The following DLGAP2 variants were observed in gnomAD, a reference collection of about 807,000 sequenced individuals.
The protein encoded by DLGAP2 is disks large-associated protein 2.
A neutral mutation model predicts 100.3 loss-of-function variants in DLGAP2; 26 were observed. That is an observed-to-expected ratio of 0.26 (90% confidence interval 0.19 to 0.36). The LOEUF is 0.36. DLGAP2 is among the 10% of genes least tolerant of loss of function. The pLI, the probability that DLGAP2 is intolerant of heterozygous loss-of-function variation, is 1.00. For missense variants in DLGAP2, 1,858 were observed against 1,453.2 expected (o/e 1.28, Z -4.53); for synonymous variants, 886 against 630.1 (o/e 1.41, Z -6.08).
rs1476963982 is a variant in DLGAP2 at position 1,218,488 on chromosome 8, TGTTTA to T, written c.74-40358_74-40354del. On this transcript the variant is annotated intron_variant, in intron 2 of 14. Coordinates refer to ENST00000637795, the MANE Select transcript of DLGAP2 (RefSeq NM_001346810.2). ...TGTTGTTGTTGTTGTTGTTTTATTC[TGTTTA>T]GTTTTGTTTTTTTACCAGTACCATG... Among the ~76,000 whole-genome samples, 15 of 135,996 alleles carry T rather than the reference TGTTTA, an allele frequency of 1.1e-4. 1 individual carries two copies. Among genetic ancestry groups the T allele is most frequent in the African/African-American group, 4.8e-4 (14 of 29,012 alleles). The allele number at this position is 135,996 out of a possible 152,430, so 89.2% of individuals were successfully genotyped here. A position where few individuals can be genotyped will look rare whatever the true frequency, so the allele number is the denominator to read the frequency against.
chr8:1,032,154 C>T (rs542250588), intron 2 of DLGAP2, among the ~76,000 whole-genome samples: 14 of 152,360 alleles, frequency 9.2e-5, no homozygotes, highest in Admixed American at 2.6e-4. Flanking sequence ...TCAGCCAGGA[C>T]GGCGCAAGTT....
At chr8:1,008,679 C>A (rs1801190464) in intron 2 of DLGAP2, among the ~76,000 whole-genome samples, 1 of 152,210 alleles carries the variant, frequency 6.6e-6, no homozygotes, top group Non-Finnish European at 1.5e-5. Context: ...CAGCTGTCCG[C>A]CTCTGCAGGA....
intron 3 of DLGAP2, among the ~76,000 whole-genome samples, chr8:1,477,546 G>C (rs1798970167): frequency 6.6e-6 from 1 of 152,144 alleles, no homozygotes; most frequent in South Asian, 2.1e-4. Flanking sequence ...CCTGAGAGCC[G>C]GCAGCCCGGT....
At chr8:1,311,633 A>C (rs1035016287) in intron 3 of DLGAP2, among the ~76,000 whole-genome samples, 1 of 152,206 alleles carries the variant, frequency 6.6e-6, no homozygotes, top group Non-Finnish European at 1.5e-5. Flanking sequence ...TAAGAAAATT[A>C]ATTAACACTA....
chr8:848,944 AACGCGCGGTGCCTG>A (rs1797125771), intron 1 of DLGAP2, among the ~76,000 whole-genome samples: 2 of 145,624 alleles, frequency 1.4e-5, no homozygotes, highest in East Asian at 4.5e-4. Flanking sequence ...CCAGCATAGG[AACGCGCGGTGCCTG>A]TTCCAGCATA....
intron 2 of DLGAP2, among the ~76,000 whole-genome samples, chr8:1,189,682 T>C (rs1797592290): frequency 1.3e-5 from 2 of 152,198 alleles, no homozygotes; most frequent in African/African-American, 4.8e-5. Flanking sequence ...AGGGCCGAGT[T>C]TTCCCCTCAG....
chr8:820,817 A>G (rs1394544655), intron 1 of DLGAP2, among the ~76,000 whole-genome samples: 1 of 152,212 alleles, frequency 6.6e-6, no homozygotes, highest in Non-Finnish European at 1.5e-5. Flanking sequence ...TAAATACTCA[A>G]GAGTAAGGGA....
At chr8:743,812 A>T (rs890836595) in intron 1 of DLGAP2, among the ~76,000 whole-genome samples, 64 of 152,280 alleles carry the variant, frequency 4.2e-4, no homozygotes, top group African/African-American at 1.5e-3. Flanking sequence ...CCATCAGCCT[A>T]CCCCAGCCTC....
At chr8:1,658,897 A>C (rs1798346525) in intron 8 of DLGAP2, among the ~76,000 whole-genome samples, 1 of 151,556 alleles carries the variant, frequency 6.6e-6, no homozygotes, top group Admixed American at 6.6e-5. Flanking sequence ...TGATCTTGCT[A>C]CTCTAGTTCT....
chr8:901,912 C>T (rs1798259423), intron 1 of DLGAP2, among the ~76,000 whole-genome samples: 1 of 152,216 alleles, frequency 6.6e-6, no homozygotes, highest in South Asian at 2.1e-4. Context: ...ATCTGTGGCT[C>T]AGTTTGGATC....
At position 1,582,507 on chromosome 8, in the gene DLGAP2, C is replaced by T. The variant is rs558054973; in HGVS notation, c.1442+16613C>T. ...TTTCATAAATCAAAATGAAAAAAGT[C>T]ATCCTTAGGAAAAAAAAAAAAAAGC... On this transcript the variant is annotated intron_variant, in intron 6 of 14. Coordinates refer to ENST00000637795, the MANE Select transcript of DLGAP2 (RefSeq NM_001346810.2). 3.4e-5 allele frequency among the ~76,000 whole-genome samples: 5 copies of T among 147,566 alleles called. No homozygotes were observed. The South Asian group carries it at 1.1e-3, about 32-fold the overall frequency.
intron 2 of DLGAP2, among the ~76,000 whole-genome samples, chr8:1,159,922 C>T (rs1796857864): frequency 6.6e-6 from 1 of 152,200 alleles, no homozygotes; most frequent in South Asian, 2.1e-4. Flanking sequence ...CTGCTCCCAC[C>T]TCCCTGTGAG....
chr8:1,101,510 C>T (rs903281551), intron 2 of DLGAP2, among the ~76,000 whole-genome samples: 1 of 150,784 alleles, frequency 6.6e-6, no homozygotes, highest in Non-Finnish European at 1.5e-5. Flanking sequence ...AGAAGGCAGA[C>T]GGGGGTGCCG....
At chr8:739,299 C>G (rs1224943172) in intron 1 of DLGAP2, 1 of 152,312 alleles carries the variant, frequency 6.6e-6, no homozygotes, top group Non-Finnish European at 1.5e-5. Context: ...GAGACCCGGT[C>G]CCAGAGCCTG....
At chr8:1,423,538 A>T (rs1797159450) in intron 3 of DLGAP2, among the ~76,000 whole-genome samples, 1 of 152,060 alleles carries the variant, frequency 6.6e-6, no homozygotes, top group South Asian at 2.1e-4. Context: ...TAGGCTTAAT[A>T]CTCCTGAAGT....
chr8:994,686 T>C, intron 2 of DLGAP2, among the ~76,000 whole-genome samples: 1 of 152,204 alleles, frequency 6.6e-6, no homozygotes, highest in South Asian at 2.1e-4. Flanking sequence ...AACTCAGCTC[T>C]GTAGGAGATG....
chr8:1,578,553 A>C (rs182373362), intron 6 of DLGAP2, among the ~76,000 whole-genome samples: 19 of 152,278 alleles, frequency 1.2e-4, no homozygotes, highest in Admixed American at 8.5e-4. Flanking sequence ...TCCTGCAAAG[A>C]CTGCAGGAAT....
intron 2 of DLGAP2, among the ~76,000 whole-genome samples, chr8:1,216,836 T>C (rs1798223216): frequency 6.6e-6 from 1 of 152,172 alleles, no homozygotes; most frequent in Non-Finnish European, 1.5e-5. Flanking sequence ...ATGAGTTCTT[T>C]TCTGTCTTAG....
intron 2 of DLGAP2, among the ~76,000 whole-genome samples, chr8:1,082,805 T>C (rs139854701): frequency 9.5e-4 from 144 of 152,312 alleles, no homozygotes; most frequent in African/African-American, 3.3e-3. Flanking sequence ...GGTGACTAAT[T>C]TGGTTTGGGA....
Sources: gnomAD v4.1 joint callset for allele counts (sites outside exome capture counted in the v4.1 genomes callset) on GRCh38, gnomAD v4.1.1 for gene constraint, MANE v1.5 for transcripts, NCBI Gene and HGNC (gene_info 2026-07-23, HGNC 2026-07-21) for gene names.